SYBU: variants seen among roughly 807,000 people sequenced by gnomAD.
SYBU encodes the protein syntabulin, also known as GOLSYN A protein.
A neutral mutation model predicts 35.9 loss-of-function variants in SYBU; 21 were observed. The ratio of observed to expected loss-of-function variants is 0.58; its 90% CI spans 0.41 to 0.84. The LOEUF is 0.84. SYBU is among the 40% of genes least tolerant of loss of function. SYBU has a pLI of 0.00. For missense variants in SYBU, 768 were observed against 848.2 expected, an observed-to-expected ratio of 0.91 and a Z score of 1.17; for synonymous variants, 319 against 324.3, an observed-to-expected ratio of 0.98 and a Z score of 0.18.
At chr8:109,627,041 C>G (rs1813057261) in intron 2 of SYBU, among the ~76,000 whole-genome samples, 1 of 141,730 alleles carries the variant, frequency 7.1e-6, no homozygotes, top group South Asian at 2.3e-4. Flanking sequence ...CTAAACAATT[C>G]CAGAAGACAC....
At chr8:109,576,069 AACTTTC>A in intron 6 of SYBU, 56 bp from the exon 7 acceptor site, 9 of 1,304,158 alleles carry the variant, frequency 6.9e-6, no homozygotes, top group Non-Finnish European at 9.0e-6. Context: ...AAAAAAAAAA[AACTTTC>A]AACTGGGCAA....
intron 1 of SYBU, among the ~76,000 whole-genome samples, chr8:109,655,597 A>G (rs1418307344): frequency 2.0e-5 from 3 of 152,218 alleles, no homozygotes; most frequent in Non-Finnish European, 4.4e-5. Context: ...GTGAGAATTC[A>G]AAGAATACTC....
At chr8:109,631,394 C>T (rs1240600414) in intron 2 of SYBU, among the ~76,000 whole-genome samples, 4 of 152,122 alleles carry the variant, frequency 2.6e-5, no homozygotes, top group Non-Finnish European at 5.9e-5. Flanking sequence ...ATAATCACTT[C>T]ACGGATAAAC....
chr8:109,663,083 C>A (rs57398322), intron 1 of SYBU, among the ~76,000 whole-genome samples: 3,694 of 152,144 alleles, frequency 0.024, 139 homozygotes, highest in African/African-American at 0.085. Context: ...AGGTGGAAAT[C>A]AGGAAGATAG....
At chr8:109,687,227 A>G (rs138535184) in intron 1 of SYBU, among the ~76,000 whole-genome samples, 4 of 152,322 alleles carry the variant, frequency 2.6e-5, no homozygotes, top group African/African-American at 9.6e-5. Flanking sequence ...AATACTGATG[A>G]AAAACTAAGA....
At chr8:109,660,394 A>G (rs1027649146) in intron 1 of SYBU, among the ~76,000 whole-genome samples, 2 of 152,172 alleles carry the variant, frequency 1.3e-5, no homozygotes, top group African/African-American at 4.8e-5. Flanking sequence ...CTTATCTCAC[A>G]TAATAAAAAT....
intron 3 of SYBU, among the ~76,000 whole-genome samples, chr8:109,591,755 G>A (rs950052671): frequency 7.3e-5 from 11 of 151,376 alleles, no homozygotes; most frequent in South Asian, 2.1e-4. Flanking sequence ...CTCGTGATCC[G>A]CCCGCCTCGG....
intron 1 of SYBU, among the ~76,000 whole-genome samples, chr8:109,660,640 C>T (rs1439436103): frequency 6.6e-6 from 1 of 150,622 alleles, no homozygotes; most frequent in Admixed American, 6.6e-5. Flanking sequence ...TGGCAATATT[C>T]TAAATAAAAA....
At chr8:109,665,363 G>T (rs1007872066) in intron 1 of SYBU, among the ~76,000 whole-genome samples, 1 of 152,062 alleles carries the variant, frequency 6.6e-6, no homozygotes, top group Non-Finnish European at 1.5e-5. Flanking sequence ...CTACCACATT[G>T]GACAGCACAG....
chr8:109,644,618 C>T lies in SYBU; in HGVS notation c.24+18G>A, dbSNP rs757003077. ...CCTTCCCCGCCCTCCAGTGCCCGCACTGCCCCGCGCTCCTTACCTTGCTCT... is the reference window on the plus strand; with the variant it reads ...CCTTCCCCGCCCTCCAGTGCCCGCATTGCCCCGCGCTCCTTACCTTGCTCT... On this transcript the variant is annotated intron_variant, in intron 1 of 6. Transcript: ENST00000276646. 1.0e-5 allele frequency: 16 copies of T among 1,544,280 alleles called. No homozygotes were observed. In the East Asian group the frequency reaches 3.4e-4, roughly 33 times the overall value.
chr8:109,647,584 C>CT (rs1474006479), upstream of SYBU: 1 of 152,216 alleles, frequency 6.6e-6, no homozygotes, highest in Non-Finnish European at 1.5e-5. Context: ...ACAGTTGACA[C>CT]TCAATACATA....
chr8:109,664,972 C>T (rs1760258182), intron 1 of SYBU, among the ~76,000 whole-genome samples: 1 of 152,174 alleles, frequency 6.6e-6, no homozygotes, highest in Non-Finnish European at 1.5e-5. Flanking sequence ...TTCTAATTTC[C>T]CTTCATTGAT....
chr8:109,667,498 A>G (rs1816799127), intron 1 of SYBU, among the ~76,000 whole-genome samples: 1 of 145,476 alleles, frequency 6.9e-6, no homozygotes, highest in African/African-American at 2.6e-5. Flanking sequence ...GGTATTTTTC[A>G]GTAGTGCCAC....
chr8:109,575,581 T>G lies in SYBU; in HGVS notation c.1317A>C (p.Thr439=). ...CTGTCACTATCTCATCGAACAAATC[T>G]GTGCTGTTGGCTATGCTATCTCCTA... The part of the protein sequence containing the change: ...LLVGDSIANS[T]DLFDEIVTAT... The change falls in exon 7 of 7, where the codon ACA becomes ACC. Residue 439 remains threonine (T), a synonymous_variant. Transcript: ENST00000276646. 6.2e-7 allele frequency: 1 copy of G among 1,614,122 alleles called. No individual in the cohort carries two copies. Among genetic ancestry groups the G allele is most frequent in the Non-Finnish European group, 8.5e-7 (1 of 1,180,022 alleles).
At chr8:109,669,339 CAAAAAAAAAAAAAA>C (rs533510895) in intron 1 of SYBU, among the ~76,000 whole-genome samples, 9 of 49,682 alleles carry the variant, frequency 1.8e-4, no homozygotes, top group Admixed American at 9.0e-4. Flanking sequence ...GAGACTCCGT[CAAAAAAAAAAAAAA>C]AAAAAAAAAA....
intron 3 of SYBU, among the ~76,000 whole-genome samples, chr8:109,606,699 TA>T (rs965739938): frequency 3.3e-4 from 50 of 152,148 alleles, no homozygotes; most frequent in African/African-American, 1.2e-3. Flanking sequence ...GTTAATCACC[TA>T]AAGTTTGACC....
intron 1 of SYBU, among the ~76,000 whole-genome samples, chr8:109,650,100 GCTA>G (rs1360354786): frequency 6.6e-6 from 1 of 152,154 alleles, no homozygotes; most frequent in Non-Finnish European, 1.5e-5. Context: ...CAGGAGGGCA[GCTA>G]TAGAGAGAGG....
At chr8:109,686,352 T>C (rs1398429624) in intron 1 of SYBU, among the ~76,000 whole-genome samples, 1 of 152,212 alleles carries the variant, frequency 6.6e-6, no homozygotes, top group Non-Finnish European at 1.5e-5. Flanking sequence ...TAAAGAATGT[T>C]CATATAGATA....
chr8:109,584,884 C>T lies in SYBU; in HGVS notation c.530+1176G>A, dbSNP rs1823438671. On this transcript the variant is annotated intron_variant, in intron 4 of 6. Transcript: ENST00000276646. This position sits in a 1 kb window ranked among gnomAD's most constrained non-coding sequence, Gnocchi z 4.0. ...TACAACTGTCTTTTGGATACCGTGG[C>T]CCAGGGGAATCAAGTGACGTGACAA... Among the ~76,000 whole-genome samples, 1 of 152,084 alleles carries T rather than the reference C, an allele frequency of 6.6e-6. No individual in the cohort carries two copies. The highest frequency in any genetic ancestry group is 2.1e-4 in the South Asian group (1 of 4,814).
Sources: allele counts gnomAD v4.1 joint callset (sites outside exome capture counted in the v4.1 genomes callset), GRCh38; gene constraint gnomAD v4.1.1; non-coding constraint Gnocchi (gnomAD v3.1); transcripts MANE v1.5; gene names NCBI Gene and HGNC (gene_info 2026-07-23, HGNC 2026-07-21).